The following PSTPIP1 variants were observed in gnomAD, a reference collection of about 807,000 sequenced individuals.
PSTPIP1 encodes the protein proline-serine-threonine phosphatase-interacting protein 1.
A neutral mutation model predicts 69.6 loss-of-function variants in PSTPIP1; 66 were observed. The observed-to-expected ratio is 0.95, with a 90% CI of 0.78 to 1.16. The LOEUF is 1.16. PSTPIP1 is among the 50% of genes most tolerant of loss of function. The probability of loss-of-function intolerance (pLI) is 0.00; values close to 1 mark genes in which losing one functional copy is unlikely to be tolerated. For synonymous variants in PSTPIP1, 266 were observed against 222.7 expected (o/e 1.19, Z -1.73); for missense variants, 603 against 557.4 (o/e 1.08, Z -0.82).
Position 77,032,969 on chromosome 15 carries a change from C to T in PSTPIP1, c.929+17C>T, listed in dbSNP as rs372335370. 7.3e-5 allele frequency: 116 copies of T among 1,583,648 alleles called. No individual in the cohort carries two copies. The African/African-American group carries it at 8.9e-4, about 12-fold the overall frequency. ...GATAAAGAGGTGAGGCCCCGACAGA[C>T]GGAGGGAGGGCCTAAGGCTGGGCCA... On this transcript the variant is annotated intron_variant, in intron 12 of 14. Coordinates refer to ENST00000558012, the MANE Select transcript of PSTPIP1 (RefSeq NM_003978.5).
chr15:77,024,726 TTCCCTCCCTCCC>T (rs67239232), intron 3 of PSTPIP1, among the ~76,000 whole-genome samples: 14 of 143,420 alleles, frequency 9.8e-5, no homozygotes, highest in East Asian at 6.3e-4. Flanking sequence ...TGCTGGGCCC[TTCCCTCCCTCCC>T]TCCCTCCCTC....
intron 10 of PSTPIP1, chr15:77,031,601 C>T (rs2076418996): frequency 3.5e-6 from 1 of 289,106 alleles, no homozygotes; most frequent in Non-Finnish European, 6.8e-6. Context: ...CAGAGGTTGG[C>T]AGAAGCTGGA....
At chr15:77,032,521 C>G (rs1324623180) in intron 11 of PSTPIP1, 127 bp downstream of exon 11, 1 of 1,027,432 alleles carries the variant, frequency 9.7e-7, no homozygotes, top group South Asian at 1.5e-5. Context: ...CAGAGAAGCC[C>G]TAGCAGGGGT....
intron 4 of PSTPIP1, 71 bp from the exon 5 acceptor site, chr15:77,025,427 C>T (rs563251799): frequency 2.1e-4 from 339 of 1,582,278 alleles, no homozygotes; most frequent in African/African-American, 7.9e-4. Flanking sequence ...CTGGCCCACA[C>T]GGGTGAGTTG....
rs2076551553 is a variant in PSTPIP1, at chr15:77,035,800, AGC to A, written c.986_987del (p.Ala329ValfsTer13). 1.9e-6 allele frequency: 3 copies of A among 1,605,454 alleles called. No individual in the cohort carries two copies. Among genetic ancestry groups the A allele is most frequent in the Non-Finnish European group, 1.7e-6 (2 of 1,179,028 alleles). Reference sequence around the variant, plus strand: ...GGGGTCTATGTCTCACCCTGCTCTTAGCGTCCACAGAGACCCTGACCCCCACC... The same window carrying A: ...GGGGTCTATGTCTCACCCTGCTCTTAGTCCACAGAGACCCTGACCCCCACC... On this transcript the variant is annotated splice_acceptor_variant and coding_sequence_variant, in exon 14 of 15. Coordinates refer to ENST00000558012, the MANE Select transcript of PSTPIP1 (RefSeq NM_003978.5). LOFTEE classifies it high-confidence loss of function.
intron 1 of PSTPIP1, among the ~76,000 whole-genome samples, chr15:77,000,456 G>GATATATATAT (rs1170516021): frequency 4.3e-5 from 3 of 69,218 alleles, no homozygotes; most frequent in African/African-American, 2.0e-4. Flanking sequence ...GGCATTTAAA[G>GATATATATAT]AGAGATATAT....
At chr15:77,030,361 A>T in intron 8 of PSTPIP1, 141 bp from the exon 9 acceptor site, 1 of 813,226 alleles carries the variant, frequency 1.2e-6, no homozygotes, top group Non-Finnish European at 2.0e-6. Context: ...CATTCAGATG[A>T]GGCCCCGCCA....
rs561068208 is a variant in PSTPIP1, at chr15:77,029,744, C to T, written c.562+170C>T. 1.6e-4 allele frequency among the ~76,000 whole-genome samples: 25 copies of T among 152,316 alleles called. 1 individual carries two copies. In the South Asian group the frequency reaches 3.9e-3, roughly 24 times the overall value. On this transcript the variant is annotated intron_variant, in intron 8 of 14. Transcript: ENST00000558012. ...AAAGTAAACGCTGTGTTCCCCCATT[C>T]GCCAGCCCTTCTTGGCGCTTCATGT... is the stretch of plus-strand genomic sequence containing the variant.
intron 1 of PSTPIP1, among the ~76,000 whole-genome samples, chr15:77,016,337 C>T (rs943342215): frequency 1.3e-5 from 2 of 152,056 alleles, no homozygotes; most frequent in African/African-American, 4.8e-5. Flanking sequence ...TTTTTCTTCC[C>T]AGCCGCCAGG....
chr15:77,032,479 C>T (rs549920488), intron 11 of PSTPIP1, 85 bp downstream of exon 11: 41 of 1,441,348 alleles, frequency 2.8e-5, no homozygotes, highest in East Asian at 7.0e-5. Flanking sequence ...GTGCCAGGAC[C>T]GGGCTGGGGT....
Position 77,030,494 on chromosome 15 carries a change from G to T in PSTPIP1, c.563-8G>T. On this transcript the variant is annotated splice_polypyrimidine_tract_variant and splice_region_variant and intron_variant, in intron 8 of 14. Coordinates refer to ENST00000558012, the MANE Select transcript of PSTPIP1 (RefSeq NM_003978.5). Reference sequence around the variant, plus strand: ...CAGGGCCCTCCCTGAGGCTGCCTGCGCTTTCAGAGCGGGTATACAGGCAGA... The same window carrying T: ...CAGGGCCCTCCCTGAGGCTGCCTGCTCTTTCAGAGCGGGTATACAGGCAGA... 6.2e-7 allele frequency: 1 copy of T among 1,611,736 alleles called. No individual in the cohort carries two copies. Among genetic ancestry groups the T allele is most frequent in the Non-Finnish European group, 8.5e-7 (1 of 1,179,384 alleles).
intron 1 of PSTPIP1, among the ~76,000 whole-genome samples, chr15:77,003,635 A>C (rs561031769): frequency 2.4e-4 from 37 of 151,904 alleles, no homozygotes; most frequent in Admixed American, 1.1e-3. Flanking sequence ...CAGCCTGGGC[A>C]AAAGAACGAA....
At chr15:77,018,344 ACT>A in intron 2 of PSTPIP1, 96 bp downstream of exon 2, 2 of 1,535,730 alleles carry the variant, frequency 1.3e-6, no homozygotes, top group Non-Finnish European at 1.8e-6. Flanking sequence ...TCCCAGCCAA[ACT>A]CTGTCAGAAC....
upstream of PSTPIP1, chr15:76,994,839 C>A (rs905628504): frequency 4.6e-5 from 59 of 1,288,952 alleles, no homozygotes; most frequent in Non-Finnish European, 5.4e-5. Flanking sequence ...GAATGACTTG[C>A]TAGTGCGGGG....
At chr15:77,012,279 A>ATCCACCCC (rs1391243745) in intron 1 of PSTPIP1, among the ~76,000 whole-genome samples, 1 of 148,632 alleles carries the variant, frequency 6.7e-6, no homozygotes, top group Non-Finnish European at 1.5e-5. Context: ...TCATCCACCC[A>ATCCACCCC]TCCACCCACC....
intron 6 of PSTPIP1, among the ~76,000 whole-genome samples, 176 bp downstream of exon 6, chr15:77,028,090 G>C (rs148152818): frequency 1.3e-5 from 2 of 152,180 alleles, no homozygotes; most frequent in Non-Finnish European, 2.9e-5. Context: ...CGTGCTGGGC[G>C]CTATGGCCCC....
chr15:77,000,460 G>C (rs2458249), intron 1 of PSTPIP1, among the ~76,000 whole-genome samples: 1 of 141,694 alleles, frequency 7.1e-6, no homozygotes, highest in Admixed American at 6.9e-5. Flanking sequence ...TTTAAAGAGA[G>C]ATATATATAT....
At chr15:76,995,655 G>A (rs757195808) in intron 1 of PSTPIP1, 46 bp downstream of exon 1, 11 of 1,612,288 alleles carry the variant, frequency 6.8e-6, no homozygotes, top group Middle Eastern at 2.1e-4. Context: ...AGGGGGCAGA[G>A]CTAGGCTGAA....
chr15:76,998,347 G>A (rs2075625394), intron 1 of PSTPIP1, among the ~76,000 whole-genome samples: 1 of 152,158 alleles, frequency 6.6e-6, no homozygotes, highest in African/African-American at 2.4e-5. Flanking sequence ...AGCCAGCCCT[G>A]CTGTTTCTGG....
Sources: allele counts gnomAD v4.1 joint callset (sites outside exome capture counted in the v4.1 genomes callset), GRCh38; gene constraint gnomAD v4.1.1; transcripts MANE v1.5; gene names NCBI Gene and HGNC (gene_info 2026-07-23, HGNC 2026-07-21).